The following LIMCH1 variants were observed in gnomAD, a reference collection of about 807,000 sequenced individuals.
LIMCH1 encodes LIM and calponin homology domains-containing protein 1.
A neutral mutation model predicts 176.5 loss-of-function variants in LIMCH1; 113 were observed. The ratio of observed to expected loss-of-function variants is 0.64; its 90% CI spans 0.55 to 0.75. The LOEUF (loss-of-function observed/expected upper bound fraction) is 0.75, where lower values mean the gene tolerates loss of function less well. Among genes scored for constraint, LIMCH1 ranks in the 30% least tolerant of loss-of-function variants. LIMCH1 has a pLI of 0.00. For synonymous variants in LIMCH1, 619 were observed against 645.9 expected (o/e 0.96, Z 0.63); for missense variants, 1,674 against 1,814.9 (o/e 0.92, Z 1.41).
chr4:41,504,319 A>G (rs1018202356), intron 2 of LIMCH1, among the ~76,000 whole-genome samples: 3 of 152,172 alleles, frequency 2.0e-5, no homozygotes, highest in Admixed American at 2.0e-4. Flanking sequence ...CATTTCTTCC[A>G]GGAGGTCTAG....
intron 1 of LIMCH1, among the ~76,000 whole-genome samples, chr4:41,448,946 AT>A (rs2063555487): frequency 6.6e-6 from 1 of 152,086 alleles, no homozygotes; most frequent in Admixed American, 6.6e-5. Context: ...AAAATAAAAC[AT>A]TTGTAAATGA....
intron 1 of LIMCH1, among the ~76,000 whole-genome samples, chr4:41,419,079 A>G (rs1226372619): frequency 6.6e-6 from 1 of 152,210 alleles, no homozygotes; most frequent in African/African-American, 2.4e-5. Flanking sequence ...AATCTGCCTC[A>G]GTAAAGTGTC....
chr4:41,516,856 C>T (rs1236055319), intron 2 of LIMCH1, among the ~76,000 whole-genome samples: 2 of 152,120 alleles, frequency 1.3e-5, no homozygotes, highest in African/African-American at 2.4e-5. Context: ...CAGCAAGATC[C>T]GGAGGGAAGT....
At chr4:41,501,691 C>T (rs2073297145) in intron 2 of LIMCH1, among the ~76,000 whole-genome samples, 1 of 151,688 alleles carries the variant, frequency 6.6e-6, no homozygotes, top group Non-Finnish European at 1.5e-5. Context: ...TGGAAAATAC[C>T]CTTTTCCTGG....
chr4:41,390,546 A>G (rs1236316981), intron 1 of LIMCH1, among the ~76,000 whole-genome samples: 1 of 152,222 alleles, frequency 6.6e-6, no homozygotes, highest in Non-Finnish European at 1.5e-5. Flanking sequence ...AAAATACATG[A>G]TGCCCAGTTA....
intron 18 of LIMCH1, among the ~76,000 whole-genome samples, chr4:41,660,747 A>G (rs1339324552): frequency 1.3e-5 from 2 of 152,210 alleles, no homozygotes; most frequent in Non-Finnish European, 2.9e-5. Flanking sequence ...ATACACGGAG[A>G]ATGTAATGGT....
At chr4:41,495,166 C>A (rs11728932) in intron 2 of LIMCH1, among the ~76,000 whole-genome samples, 39,581 of 152,052 alleles carry the variant, frequency 0.26, 5,393 homozygotes, top group South Asian at 0.34. Context: ...GTAGCTCTAG[C>A]TACAAAATAA....
chr4:41,419,681 CTCCTTCCTTCCTTCCTTCCTTCCT>C (rs765992303), intron 1 of LIMCH1, among the ~76,000 whole-genome samples: 1 of 56,336 alleles, frequency 1.8e-5, no homozygotes, highest in African/African-American at 1.0e-4. Context: ...TCCTTCCTTC[CTCCTTCCTTCCTTCCTTCCTTCCT>C]TCCTTCCTTC....
At chr4:41,398,673 G>A (rs748132978) in intron 1 of LIMCH1, among the ~76,000 whole-genome samples, 65 of 152,134 alleles carry the variant, frequency 4.3e-4, no homozygotes, top group Non-Finnish European at 8.2e-4. Context: ...TCTGATTGCT[G>A]AGCCTGGAGT....
At chr4:41,669,708 C>A (rs1412250492) in intron 21 of LIMCH1, among the ~76,000 whole-genome samples, 1 of 152,178 alleles carries the variant, frequency 6.6e-6, no homozygotes, top group African/African-American at 2.4e-5. Context: ...TTTCAAGAAG[C>A]CAGAGACCTC....
At chr4:41,492,862 A>T (rs1436146956) in intron 1 of LIMCH1, among the ~76,000 whole-genome samples, 3 of 152,144 alleles carry the variant, frequency 2.0e-5, no homozygotes, top group Non-Finnish European at 4.4e-5. Flanking sequence ...TCATTATCAA[A>T]TGATTTTATT....
chr4:41,538,195 G>C lies in LIMCH1; in HGVS notation c.-396G>C, dbSNP rs1247938773. The C allele has an allele frequency of 1.0e-6, 1 of 985,696 alleles. No homozygotes were observed. The highest frequency in any genetic ancestry group is 1.2e-6 in the Non-Finnish European group (1 of 830,076). The allele number at this position is 985,696 out of a possible 1,614,324, so 61.1% of individuals were successfully genotyped here. A position where few individuals can be genotyped will look rare whatever the true frequency, so the allele number is the denominator to read the frequency against. On this transcript the variant is annotated 5_prime_UTR_variant, in exon 1 of 32. Transcript: ENST00000503057. ...CAGCAGCCTGCTTGTGGACAGAGCA[G>C]GGGTTGGCAGTGGTGACGACTGTTT...
At chr4:41,657,395 G>A (rs1409833971) in intron 18 of LIMCH1, among the ~76,000 whole-genome samples, 1 of 152,186 alleles carries the variant, frequency 6.6e-6, no homozygotes, top group Non-Finnish European at 1.5e-5. Context: ...GAGTACAAAA[G>A]TAATAAGCCT....
intron 1 of LIMCH1, among the ~76,000 whole-genome samples, chr4:41,557,792 C>G (rs1318076626): frequency 2.0e-5 from 3 of 152,060 alleles, no homozygotes; most frequent in African/African-American, 7.2e-5. Context: ...AAGGGCGGTT[C>G]TAAACTACAC....
chr4:41,566,246 A>G (rs1012907899), intron 1 of LIMCH1, among the ~76,000 whole-genome samples: 2 of 152,194 alleles, frequency 1.3e-5, no homozygotes, highest in East Asian at 1.9e-4. Context: ...GCCTCCCCCA[A>G]GAATCACAAA....
chr4:41,618,876 A>G (rs1386384364), intron 5 of LIMCH1, among the ~76,000 whole-genome samples: 1 of 152,226 alleles, frequency 6.6e-6, no homozygotes, highest in Non-Finnish European at 1.5e-5. Flanking sequence ...TTCTGAGAGT[A>G]GCAGAATCTC....
At chr4:41,598,880 C>G (rs2089418197) in intron 1 of LIMCH1, 40 bp from the exon 2 acceptor site, 1 of 1,340,152 alleles carries the variant, frequency 7.5e-7, no homozygotes, top group Non-Finnish European at 1.1e-6. Context: ...TAAAGATAAT[C>G]TAAGATAATA....
At chr4:41,460,458 C>CCATATATATATATCTATATA (rs1554057132) in intron 1 of LIMCH1, among the ~76,000 whole-genome samples, 2 of 110,546 alleles carry the variant, frequency 1.8e-5, no homozygotes, top group African/African-American at 7.9e-5. Context: ...TAGTAATCAT[C>CCATATATATATATCTATATA]TATATATATA....
chr4:41,644,412 C>T, intron 14 of LIMCH1, 88 bp from the exon 15 acceptor site: 2 of 1,389,228 alleles, frequency 1.4e-6, no homozygotes, highest in East Asian at 2.9e-5. Context: ...AGCCCGGTAG[C>T]GCCCCCACGC....
Sources: gnomAD v4.1 joint callset for allele counts (sites outside exome capture counted in the v4.1 genomes callset) on GRCh38, gnomAD v4.1.1 for gene constraint, MANE v1.5 for transcripts, NCBI Gene and HGNC (gene_info 2026-07-23, HGNC 2026-07-21) for gene names.